The following MTR variants were observed in gnomAD, a reference collection of about 807,000 sequenced individuals.
The protein encoded by MTR is 5-methyltetrahydrofolate-homocysteine methyltransferase, also known as methionine synthase.
Under a neutral mutation model 154.8 loss-of-function variants are expected in MTR, and 84 were observed. That is an observed-to-expected ratio of 0.54 (90% CI 0.45 to 0.65). The LOEUF is 0.65. MTR is among the 30% of genes least tolerant of loss of function. The probability of loss-of-function intolerance (pLI) is 0.00; values close to 1 mark genes in which losing one functional copy is unlikely to be tolerated. For synonymous variants in MTR, 554 were observed against 553.9 expected (o/e 1.00, Z 0.00); for missense variants, 1,275 against 1,570.2 (o/e 0.81, Z 3.18).
Position 236,897,589 on chromosome 1 carries a change from C to T in MTR, c.3743C>T (p.Ser1248Phe). The change falls in exon 33 of 33, where the codon TCT (serine) becomes TTT (phenylalanine). Residue 1248 changes from serine to phenylalanine, a missense_variant. Coordinates refer to ENST00000366577, the MANE Select transcript of MTR (RefSeq NM_000254.3). ...VEDYALRKNI[S>F]VAEVEKWLGP... ...GATTATGCATTGAGGAAGAACATATCTGTGGCTGAGGTTGAGAAATGGCTT... is the reference window on the plus strand; with the variant it reads ...GATTATGCATTGAGGAAGAACATATTTGTGGCTGAGGTTGAGAAATGGCTT... 6.2e-7 allele frequency: 1 copy of T among 1,613,278 alleles called. No individual in the cohort carries two copies. The highest frequency in any genetic ancestry group is 8.5e-7 in the Non-Finnish European group (1 of 1,179,908).
At chr1:236,893,743 AG>A (rs1400479979) in intron 29 of MTR, among the ~76,000 whole-genome samples, 1 of 152,148 alleles carries the variant, frequency 6.6e-6, no homozygotes, top group African/African-American at 2.4e-5. Flanking sequence ...GGTAGGCCCC[AG>A]GGCTGTGGAG....
chr1:236,807,361 A>G (rs1661043649), intron 3 of MTR, among the ~76,000 whole-genome samples: 1 of 152,066 alleles, frequency 6.6e-6, no homozygotes, highest in African/African-American at 2.4e-5. Context: ...TTTTGTAGAG[A>G]CAGGGTTTTG....
At chr1:236,850,932 A>G (rs1663863270) in intron 16 of MTR, among the ~76,000 whole-genome samples, 1 of 152,200 alleles carries the variant, frequency 6.6e-6, no homozygotes, top group South Asian at 2.1e-4. Flanking sequence ...GAGCATAGCT[A>G]GCGCCCCCGT....
chr1:236,832,005 T>G lies in MTR; in HGVS notation c.1115T>G (p.Val372Gly). 2 of 1,614,190 alleles carry G rather than the reference T, an allele frequency of 1.2e-6. No individual in the cohort carries two copies. The highest frequency in any genetic ancestry group is 1.7e-6 in the Non-Finnish European group (2 of 1,180,002). Residue 372 changes from valine to glycine, a missense_variant, in exon 13 of 33, where the codon GTT (valine) becomes GGT (glycine). By Grantham distance (109) the Val-to-Gly change is moderately radical (BLOSUM62 -3). Transcript: ENST00000366577. ...AGGATTGGACCGTACACCAACTTTG[T>G]TAACATTGGAGAGCGCTGTAATGTT... The part of the protein sequence containing the change: ...PFRIGPYTNF[V>G]NIGERCNVAG...
At chr1:236,869,823 C>T (rs1665026009) in intron 22 of MTR, among the ~76,000 whole-genome samples, 1 of 152,178 alleles carries the variant, frequency 6.6e-6, no homozygotes, top group Non-Finnish European at 1.5e-5. Flanking sequence ...TAGTTCAGGA[C>T]TCTGGGCCCT....
intron 2 of MTR, among the ~76,000 whole-genome samples, 192 bp downstream of exon 2, chr1:236,803,834 A>G (rs1243514955): frequency 6.6e-6 from 1 of 152,232 alleles, no homozygotes; most frequent in African/African-American, 2.4e-5. Context: ...GGAATGAGGT[A>G]GGTAGGTTTT....
rs1553327531 is a variant in MTR, at chr1:236,885,182, A to T, written c.2738A>T (p.Tyr913Phe). ...TACTTTGAGGAAATCATGGAAGAAT[A>T]TGAAGATATTAGACAGGACCATTAT... ...DEYFEEIMEEYEDIRQDHYES... is the reference protein window; with the variant it reads ...DEYFEEIMEEFEDIRQDHYES... The change falls in exon 26 of 33, where the codon TAT becomes TTT. Residue 913 changes from tyrosine (Y) to phenylalanine (F), a missense_variant. Transcript: ENST00000366577. 1.2e-6 allele frequency: 2 copies of T among 1,608,990 alleles called. No homozygotes were observed. The highest frequency in any genetic ancestry group is 1.7e-6 in the Non-Finnish European group (2 of 1,175,396).
At chr1:236,850,030 G>A (rs1663808049) in intron 15 of MTR, among the ~76,000 whole-genome samples, 1 of 152,066 alleles carries the variant, frequency 6.6e-6, no homozygotes, top group Non-Finnish European at 1.5e-5. Context: ...TACCATATGT[G>A]TGTATATGTT....
At chr1:236,873,438 TG>T (rs1433608028) in intron 22 of MTR, among the ~76,000 whole-genome samples, 2 of 152,136 alleles carry the variant, frequency 1.3e-5, no homozygotes, top group Non-Finnish European at 2.9e-5. Flanking sequence ...ATGGTTAAAA[TG>T]GAAAAGTATA....
intron 30 of MTR, chr1:236,894,873 C>A: frequency 2.5e-6 from 1 of 406,476 alleles, no homozygotes; most frequent in South Asian, 2.8e-5. Context: ...CCTCAGTACC[C>A]CAAAAAATTA....
At chr1:236,852,900 A>C in intron 17 of MTR, 48 bp from the exon 18 acceptor site, 1 of 1,609,466 alleles carries the variant, frequency 6.2e-7, no homozygotes, top group Non-Finnish European at 8.5e-7. Flanking sequence ...CTGATCGCTG[A>C]CTTAAGGTAT....
intron 11 of MTR, among the ~76,000 whole-genome samples, chr1:236,828,052 A>G (rs918204470): frequency 1.3e-5 from 2 of 152,118 alleles, no homozygotes; most frequent in Non-Finnish European, 2.9e-5. Flanking sequence ...ATCTCGGCTC[A>G]CTGCAAGCTC....
chr1:236,882,231 CTT>C, intron 25 of MTR, among the ~76,000 whole-genome samples: 1 of 152,256 alleles, frequency 6.6e-6, no homozygotes, highest in East Asian at 1.9e-4. Flanking sequence ...CTTTTTAACA[CTT>C]GTCATTATTT....
chr1:236,884,478 G>T (rs934569962), intron 25 of MTR, among the ~76,000 whole-genome samples: 3 of 152,168 alleles, frequency 2.0e-5, no homozygotes, highest in Non-Finnish European at 4.4e-5. Context: ...GTTTATTGTT[G>T]TGAAAGGATA....
intron 8 of MTR, among the ~76,000 whole-genome samples, chr1:236,821,261 C>G (rs559287366): frequency 1.3e-5 from 2 of 152,170 alleles, no homozygotes; most frequent in African/African-American, 4.8e-5. Flanking sequence ...TGCTTTATAA[C>G]GACCCGTTCT....
chr1:236,832,925 C>T (rs533374866), intron 13 of MTR, among the ~76,000 whole-genome samples: 2 of 152,338 alleles, frequency 1.3e-5, no homozygotes, highest in South Asian at 4.1e-4. Context: ...CCAGTTTCAC[C>T]ACTTCCTCTG....
chr1:236,881,398 A>T (rs1197183278), intron 25 of MTR, among the ~76,000 whole-genome samples: 1 of 152,144 alleles, frequency 6.6e-6, no homozygotes, highest in African/African-American at 2.4e-5. Flanking sequence ...GAATAATGGG[A>T]TATAACAGCT....
In MTR at chr1:236,810,537, G is replaced by A. The variant is rs778868012; in HGVS notation, c.444G>A (p.Pro148=). The A allele has an allele frequency of 3.2e-5, 52 of 1,613,798 alleles. No individual in the cohort carries two copies. Among genetic ancestry groups the A allele is most frequent in the East Asian group, 6.7e-5 (3 of 44,854 alleles). The change falls in exon 5 of 33, where the codon CCG becomes CCA. Residue 148 remains proline (P), a synonymous_variant. Coordinates refer to ENST00000366577, the MANE Select transcript of MTR (RefSeq NM_000254.3). ...GGTTTGTGGCAGGGGCTCTGGGTCC[G>A]ACTAATAAGACACTCTCTGTGTCCC... The part of the protein sequence containing the change: ...IKRFVAGALG[P]TNKTLSVSPS...
intron 13 of MTR, among the ~76,000 whole-genome samples, 170 bp from the exon 14 acceptor site, chr1:236,835,377 A>G (rs1662845366): frequency 6.6e-6 from 1 of 151,984 alleles, no homozygotes; most frequent in Admixed American, 6.6e-5. Flanking sequence ...TGTGTAAGAA[A>G]GGTTAATTTG....
Sources: gnomAD v4.1 joint callset for allele counts (sites outside exome capture counted in the v4.1 genomes callset) on GRCh38, gnomAD v4.1.1 for gene constraint, MANE v1.5 for transcripts, NCBI Gene and HGNC (gene_info 2026-07-23, HGNC 2026-07-21) for gene names.